DNAJC13: variants seen among roughly 807,000 people sequenced by gnomAD.
The protein encoded by DNAJC13 is DnaJ heat shock protein family (Hsp40) member C13.
In DNAJC13, 75 loss-of-function variants were observed where a neutral mutation model predicts 290.5. The ratio of observed to expected loss-of-function variants is 0.26; its 90% confidence interval spans 0.21 to 0.31. The LOEUF (loss-of-function observed/expected upper bound fraction) is 0.31, where lower values mean the gene tolerates loss of function less well. Ranked by LOEUF, DNAJC13 falls within the 10% of genes least tolerant of loss-of-function variation. DNAJC13 has a pLI of 1.00. For missense variants in DNAJC13, 2,260 were observed against 2,674.5 expected, an observed-to-expected ratio of 0.85 and a Z score of 3.42; for synonymous variants, 862 against 892.0, an observed-to-expected ratio of 0.97 and a Z score of 0.60.
At chr3:132,484,292 C>A (rs1016566220) in intron 28 of DNAJC13, 8 of 442,944 alleles carry the variant, frequency 1.8e-5, no homozygotes, top group Non-Finnish European at 3.4e-5. Flanking sequence ...GGAAAATACC[C>A]ACTGACAGTG....
At chr3:132,457,501 A>G (rs749540141) in intron 13 of DNAJC13, 133 bp downstream of exon 13, 10 of 711,944 alleles carry the variant, frequency 1.4e-5, no homozygotes, top group Admixed American at 3.0e-5. Flanking sequence ...TAGTTACTCA[A>G]ACCTTTGTTT....
intron 12 of DNAJC13, 41 bp downstream of exon 12, chr3:132,456,873 G>T: frequency 6.3e-7 from 1 of 1,597,960 alleles, no homozygotes; most frequent in South Asian, 1.1e-5. Context: ...TAGAGAATTT[G>T]AACTACTCAA....
At chr3:132,445,816 C>G (rs1933228611) in intron 2 of DNAJC13, among the ~76,000 whole-genome samples, 1 of 151,866 alleles carries the variant, frequency 6.6e-6, no homozygotes, top group South Asian at 2.1e-4. Flanking sequence ...ATAAGTTTTT[C>G]TAATTCAATT....
chr3:132,515,917 A>G (rs1935906327), intron 46 of DNAJC13, among the ~76,000 whole-genome samples: 1 of 152,166 alleles, frequency 6.6e-6, no homozygotes, highest in African/African-American at 2.4e-5. Context: ...CCAGTAACCT[A>G]TACTTGCATA....
intron 37 of DNAJC13, 95 bp downstream of exon 37, chr3:132,499,405 T>C: frequency 9.3e-7 from 1 of 1,069,628 alleles, no homozygotes; most frequent in Non-Finnish European, 1.3e-6. Flanking sequence ...ATGCAGATTC[T>C]TTAATTTATT....
At chr3:132,453,197 C>G in intron 6 of DNAJC13, 101 bp from the exon 7 acceptor site, 1 of 1,050,300 alleles carries the variant, frequency 9.5e-7, no homozygotes, top group Non-Finnish European at 1.4e-6. Context: ...CCTCTTTTTT[C>G]TCTAGAATTG....
chr3:132,457,305 A>G lies in DNAJC13; in HGVS notation c.1386A>G (p.Ala462=). 7 of 1,613,574 alleles carry G rather than the reference A, an allele frequency of 4.3e-6. No individual in the cohort carries two copies. Among genetic ancestry groups the G allele is most frequent in the Non-Finnish European group, 5.1e-6 (6 of 1,179,708 alleles). ...RERLGVKVVK[A]LKRSNNGIIH... is the part of the protein sequence containing the mutation. ...GTCTAGGGGTGAAGGTAGTAAAAGC[A>G]CTCAAAAGAAGCAACAACGGAATAA... Residue 462 remains alanine (A), a synonymous_variant, in exon 13 of 56, where the codon GCA becomes GCG. Transcript: ENST00000260818.
chr3:132,514,905 G>T, intron 46 of DNAJC13: 1 of 123,172 alleles, frequency 8.1e-6, no homozygotes, highest in Non-Finnish European at 1.5e-5. Flanking sequence ...AAAATAACCT[G>T]GGATTTTCAG....
rs765922780 is a variant in DNAJC13 at position 132,500,786 on chromosome 3, G to C, written c.4417-8G>C. The C allele has an allele frequency of 1.8e-5, 29 of 1,613,608 alleles. No homozygotes were observed. The highest frequency in any genetic ancestry group is 2.4e-5 in the Non-Finnish European group (28 of 1,179,696). On this transcript the variant is annotated splice_polypyrimidine_tract_variant and splice_region_variant and intron_variant, in intron 38 of 55. Transcript: ENST00000260818. ...ACTGGTTTTTTTGCTCTGTTGTGTTGTCTGCAGGTGTGTGGATACATAAGT... is the reference window on the plus strand; with the variant it reads ...ACTGGTTTTTTTGCTCTGTTGTGTTCTCTGCAGGTGTGTGGATACATAAGT...
intron 53 of DNAJC13, among the ~76,000 whole-genome samples, chr3:132,526,801 CA>C (rs1289969408): frequency 1.3e-5 from 2 of 151,998 alleles, no homozygotes; most frequent in Non-Finnish European, 2.9e-5. Flanking sequence ...GTTGATGGAA[CA>C]AAAAAGATGC....
intron 39 of DNAJC13, among the ~76,000 whole-genome samples, chr3:132,502,044 C>T (rs985891630): frequency 6.6e-6 from 1 of 152,100 alleles, no homozygotes; most frequent in African/African-American, 2.4e-5. Flanking sequence ...AAACTATTCC[C>T]AAGTCTTCTG....
intron 20 of DNAJC13, 47 bp from the exon 21 acceptor site, chr3:132,473,098 A>G (rs757024511): frequency 1.5e-6 from 2 of 1,322,118 alleles, no homozygotes; most frequent in Non-Finnish European, 2.2e-6. Context: ...GACTAAGCCT[A>G]TTTGGTAGCC....
chr3:132,504,191 T>C (rs924138732), intron 41 of DNAJC13, among the ~76,000 whole-genome samples: 3 of 152,104 alleles, frequency 2.0e-5, no homozygotes, highest in Non-Finnish European at 4.4e-5. Flanking sequence ...TTCCAAAGTA[T>C]TTTTACAACT....
chr3:132,460,981 T>G, intron 14 of DNAJC13, 69 bp from the exon 15 acceptor site: 1 of 1,419,422 alleles, frequency 7.0e-7, no homozygotes, highest in Non-Finnish European at 9.8e-7. Flanking sequence ...AAGGAACACA[T>G]TATTGTTAAA....
chr3:132,431,053 A>C (rs1939226171), intron 1 of DNAJC13, among the ~76,000 whole-genome samples: 1 of 152,208 alleles, frequency 6.6e-6, no homozygotes, highest in African/African-American at 2.4e-5. Context: ...CAAAGCATGA[A>C]TTGCTGATGC....
intron 3 of DNAJC13, 59 bp downstream of exon 3, chr3:132,446,609 A>G: frequency 1.6e-6 from 2 of 1,217,922 alleles, no homozygotes; most frequent in Non-Finnish European, 2.4e-6. Flanking sequence ...TTTAAAAGCC[A>G]GGCTGTGACC....
intron 5 of DNAJC13, among the ~76,000 whole-genome samples, 170 bp downstream of exon 5, chr3:132,448,109 A>G (rs1003853784): frequency 3.3e-5 from 5 of 152,196 alleles, no homozygotes; most frequent in Admixed American, 3.3e-4. Context: ...AAACTCAAAT[A>G]TGAACAGTTA....
At chr3:132,470,930 G>A (rs1298275740) in intron 20 of DNAJC13, among the ~76,000 whole-genome samples, 4 of 117,360 alleles carry the variant, frequency 3.4e-5, no homozygotes, top group African/African-American at 9.5e-5. Context: ...GCGGCTGGCC[G>A]GGCAGAGGGG....
chr3:132,531,702 C>A (rs926231463), intron 55 of DNAJC13, among the ~76,000 whole-genome samples: 2 of 151,358 alleles, frequency 1.3e-5, no homozygotes, highest in African/African-American at 4.9e-5. Context: ...GAGGCTGAGG[C>A]AGGAGAATGG....
Sources: allele counts gnomAD v4.1 joint callset (sites outside exome capture counted in the v4.1 genomes callset), GRCh38; gene constraint gnomAD v4.1.1; transcripts MANE v1.5; gene names NCBI Gene and HGNC (gene_info 2026-07-23, HGNC 2026-07-21).